The following MEGF10 variants were observed in gnomAD, a reference collection of about 807,000 sequenced individuals.
The protein encoded by MEGF10 is multiple epidermal growth factor-like domains protein 10.
MEGF10 carries 86 observed loss-of-function variants against 147.5 expected under a neutral mutation model. The observed-to-expected ratio is 0.58, with a 90% CI of 0.49 to 0.70. MEGF10 has a LOEUF of 0.70. Ranked by LOEUF, MEGF10 falls within the 30% of genes least tolerant of loss-of-function variation. MEGF10 has a pLI of 0.00. For synonymous variants in MEGF10, 478 were observed against 525.5 expected, an observed-to-expected ratio of 0.91 and a Z score of 1.24; for missense variants, 1,329 against 1,487.3, an observed-to-expected ratio of 0.89 and a Z score of 1.75.
chr5:127,407,931 AG>A lies in MEGF10; in HGVS notation c.918-2457del, dbSNP rs369343219. 1.1e-3 allele frequency among the ~76,000 whole-genome samples: 167 copies of A among 152,360 alleles called. 8 individuals carry two copies. The South Asian group carries it at 0.022, about 20-fold the overall frequency. ...CTATTATTAACAGGATTGTCCTACA[AG>A]TGCAACATTGACAAAACATAAAATG... On this transcript the variant is annotated intron_variant, in intron 8 of 24. Coordinates refer to ENST00000503335, the MANE Select transcript of MEGF10 (RefSeq NM_001256545.2).
chr5:127,371,800 C>A (rs1240302457), intron 5 of MEGF10, among the ~76,000 whole-genome samples: 1 of 152,248 alleles, frequency 6.6e-6, no homozygotes, highest in East Asian at 1.9e-4. Context: ...TCTTTTAACA[C>A]TGAAATATGA....
chr5:127,264,283 A>G, the MEGF10 span, among the ~76,000 whole-genome samples: 3 of 152,138 alleles, frequency 2.0e-5, no homozygotes, highest in Non-Finnish European at 4.4e-5. Flanking sequence ...AATCCTCATA[A>G]CAGGCCTAGG....
At chr5:127,274,067 G>A in the MEGF10 span, among the ~76,000 whole-genome samples, 2 of 151,962 alleles carry the variant, frequency 1.3e-5, no homozygotes, top group African/African-American at 4.8e-5. Context: ...TCTTTTTTCA[G>A]AATGAAATCT....
At chr5:127,255,120 C>T in the MEGF10 span, among the ~76,000 whole-genome samples, 1 of 151,788 alleles carries the variant, frequency 6.6e-6, no homozygotes, top group Admixed American at 6.6e-5. Context: ...CTGAGTCAGC[C>T]TCTGGGTGGG....
At chr5:127,319,202 A>T (rs572021765) in intron 1 of MEGF10, among the ~76,000 whole-genome samples, 1 of 152,008 alleles carries the variant, frequency 6.6e-6, no homozygotes, top group South Asian at 2.1e-4. Context: ...CAGCCTCCCA[A>T]ATAGCTGGGA....
chr5:127,255,350 G>T, the MEGF10 span, among the ~76,000 whole-genome samples: 1 of 152,168 alleles, frequency 6.6e-6, no homozygotes, highest in Non-Finnish European at 1.5e-5. Flanking sequence ...AGGGAACAAT[G>T]ACTGGTTATC....
chr5:127,413,730 C>T (rs772433516), intron 9 of MEGF10, among the ~76,000 whole-genome samples: 11 of 152,162 alleles, frequency 7.2e-5, no homozygotes, highest in Non-Finnish European at 1.3e-4. Context: ...AATTAAGCTG[C>T]CTGCATGAGA....
intron 4 of MEGF10, 120 bp from the exon 5 acceptor site, chr5:127,369,790 A>G: frequency 1.5e-6 from 1 of 683,164 alleles, no homozygotes; most frequent in Non-Finnish European, 2.4e-6. Flanking sequence ...ACTGAAGAAA[A>G]TTATCAAGCA....
intron 5 of MEGF10, among the ~76,000 whole-genome samples, chr5:127,383,009 G>T (rs115781773): frequency 6.6e-6 from 1 of 152,302 alleles, no homozygotes; most frequent in Non-Finnish European, 1.5e-5. Flanking sequence ...AGGCAAATTG[G>T]CAGAGTAACT....
At chr5:127,353,550 G>A (rs1466354986) in intron 4 of MEGF10, among the ~76,000 whole-genome samples, 1 of 152,230 alleles carries the variant, frequency 6.6e-6, no homozygotes, top group Non-Finnish European at 1.5e-5. Context: ...ACTGATGGCA[G>A]AGAAAGCGAA....
At chr5:127,247,479 G>C in the MEGF10 span, among the ~76,000 whole-genome samples, 3 of 148,542 alleles carry the variant, frequency 2.0e-5, no homozygotes, top group South Asian at 2.2e-4. Flanking sequence ...AGAAGAAGAA[G>C]AAGAAGAAAA....
chr5:127,452,774 A>G (rs2127040041), intron 22 of MEGF10, among the ~76,000 whole-genome samples: 1 of 152,322 alleles, frequency 6.6e-6, no homozygotes, highest in Non-Finnish European at 1.5e-5. Context: ...AAGGACTTCA[A>G]GATCACCTCC....
chr5:127,267,325 A>G, the MEGF10 span, among the ~76,000 whole-genome samples: 7 of 152,158 alleles, frequency 4.6e-5, no homozygotes, highest in Non-Finnish European at 1.0e-4. Context: ...TCATTTTGCC[A>G]GTATTTTATT....
intron 4 of MEGF10, among the ~76,000 whole-genome samples, chr5:127,362,150 T>A (rs1411989806): frequency 1.3e-5 from 2 of 152,062 alleles, no homozygotes; most frequent in African/African-American, 4.8e-5. Flanking sequence ...TATTTCTCAT[T>A]GCAGTTTTTG....
chr5:127,258,845 T>A, the MEGF10 span, among the ~76,000 whole-genome samples: 1 of 152,174 alleles, frequency 6.6e-6, no homozygotes, highest in Admixed American at 6.5e-5. Flanking sequence ...CTTCCCAGCC[T>A]CCAGAACTTT....
chr5:127,388,387 A>G (rs191932850), intron 5 of MEGF10, among the ~76,000 whole-genome samples: 8 of 151,980 alleles, frequency 5.3e-5, no homozygotes, highest in African/African-American at 1.9e-4. Context: ...GAGCTCAAGC[A>G]ATCCACCCAC....
chr5:127,398,453 C>A (rs568697180), intron 6 of MEGF10, among the ~76,000 whole-genome samples: 2 of 152,070 alleles, frequency 1.3e-5, no homozygotes, highest in African/African-American at 2.4e-5. Context: ...CTCTTCAAAC[C>A]GAAATGGCTT....
the MEGF10 span, among the ~76,000 whole-genome samples, chr5:127,233,759 AT>A: frequency 6.6e-6 from 1 of 152,138 alleles, no homozygotes; most frequent in Non-Finnish European, 1.5e-5. Flanking sequence ...CCGGGAGCTC[AT>A]TTGTCATGGC....
At chr5:127,443,301 G>T (rs1172480596) in intron 19 of MEGF10, among the ~76,000 whole-genome samples, 175 bp downstream of exon 19, 2 of 152,164 alleles carry the variant, frequency 1.3e-5, no homozygotes, top group Admixed American at 6.5e-5. Flanking sequence ...CTGTCCTGCA[G>T]ATAAAGAAAC....
Sources: gnomAD v4.1 joint callset for allele counts (sites outside exome capture counted in the v4.1 genomes callset) on GRCh38, gnomAD v4.1.1 for gene constraint, MANE v1.5 for transcripts, NCBI Gene and HGNC (gene_info 2026-07-23, HGNC 2026-07-21) for gene names.